The following UNC13D variants were observed in gnomAD, a reference collection of about 807,000 sequenced individuals.
UNC13D encodes unc-13 homolog D, also known as protein unc-13 homolog D.
Under a neutral mutation model 151.7 loss-of-function variants are expected in UNC13D, and 115 were observed. That is an observed-to-expected ratio of 0.76 (90% CI 0.65 to 0.88). UNC13D has a LOEUF of 0.88. Ranked by LOEUF, UNC13D falls within the 40% of genes least tolerant of loss-of-function variation. UNC13D has a pLI of 0.00. For synonymous variants in UNC13D, 588 were observed against 612.2 expected (o/e 0.96, Z 0.58); for missense variants, 1,369 against 1,438.7 (o/e 0.95, Z 0.78).
rs1390219620 is a variant in UNC13D, at chr17:75,840,522, C to T, written c.738G>A (p.Val246=). Residue 246 remains valine (V), a synonymous_variant, in exon 9 of 32, where the codon GTG becomes GTA. Transcript: ENST00000207549. The surrounding 1 kb of genome is among the most constrained non-coding windows in gnomAD (Gnocchi z 4.6). Reference sequence around the variant, plus strand: ...TCCTCCTCACCTGCAGCCTCAGAACCACGTTCCCCAGAAAGTCGTCCTGGC... The same window carrying T: ...TCCTCCTCACCTGCAGCCTCAGAACTACGTTCCCCAGAAAGTCGTCCTGGC... ...DKGQDDFLGN[V]VLRLQDLRCR... The T allele has an allele frequency of 6.2e-7, 1 of 1,614,058 alleles. No homozygotes were observed. The highest frequency in any genetic ancestry group is 8.5e-7 in the Non-Finnish European group (1 of 1,180,016).
intron 12 of UNC13D, among the ~76,000 whole-genome samples, chr17:75,837,926 G>A (rs771615985): frequency 7.2e-5 from 11 of 152,076 alleles, no homozygotes; most frequent in Non-Finnish European, 1.3e-4. Flanking sequence ...GGGACAGGCC[G>A]AAGTCCCTAT....
In UNC13D at chr17:75,827,692, C is replaced by T. The variant is rs1195872575; in HGVS notation, c.*273G>A. ...CACAGCAGCTTTTCTGAGAGGCGGGCAGGGGCAGGGTTTGCTCCCCCTGGT... is the reference window on the plus strand; with the variant it reads ...CACAGCAGCTTTTCTGAGAGGCGGGTAGGGGCAGGGTTTGCTCCCCCTGGT... On this transcript the variant is annotated 3_prime_UTR_variant, in exon 32 of 32. Transcript: ENST00000207549. 6.6e-7 allele frequency: 1 copy of T among 1,526,406 alleles called. No individual in the cohort carries two copies. Among genetic ancestry groups the T allele is most frequent in the African/African-American group, 1.4e-5 (1 of 72,830 alleles). 94.6% of individuals were successfully genotyped at this position (1,526,406 alleles called of 1,614,324 possible). A position where few individuals can be genotyped will look rare whatever the true frequency, so the allele number is the denominator to read the frequency against.
In UNC13D at chr17:75,828,941, G is replaced by T; in HGVS notation, c.2997C>A (p.Leu999=). 3 of 1,606,294 alleles carry T rather than the reference G, an allele frequency of 1.9e-6. No individual in the cohort carries two copies. The highest frequency in any genetic ancestry group is 8.5e-7 in the Non-Finnish European group (1 of 1,179,730). The change falls in exon 31 of 32, where the codon CTC becomes CTA. Residue 999 remains leucine, a synonymous_variant. Coordinates refer to ENST00000207549, the MANE Select transcript of UNC13D (RefSeq NM_199242.3). ...TGTCGTAGTCCAGCACGGTGAGCAG[G>T]AGGCATGCCCCAGCCTTGCGGCACG... ...AEPCRKAGAC[L]LLTVLDYDTL... is the part of the protein sequence containing the mutation.
At chr17:75,841,456 T>C (rs914670886) in intron 6 of UNC13D, among the ~76,000 whole-genome samples, 2 of 148,120 alleles carry the variant, frequency 1.4e-5, no homozygotes, top group African/African-American at 5.0e-5. Flanking sequence ...TTTTTTTTTT[T>C]TTTGAGACAG....
chr17:75,841,772 C>T (rs2064951171), intron 6 of UNC13D, among the ~76,000 whole-genome samples: 1 of 137,754 alleles, frequency 7.3e-6, no homozygotes, highest in South Asian at 2.3e-4. Flanking sequence ...TTTTTTGAGA[C>T]AGAGTGTCGC....
chr17:75,830,000 G>A, intron 30 of UNC13D, 28 bp downstream of exon 30: 1 of 1,568,138 alleles, frequency 6.4e-7, no homozygotes. Flanking sequence ...TGAGGGGAGG[G>A]ACTGGGAGAA....
At chr17:75,837,525 G>A (rs745839146) in intron 12 of UNC13D, among the ~76,000 whole-genome samples, 6 of 151,018 alleles carry the variant, frequency 4.0e-5, no homozygotes, top group Admixed American at 6.6e-5. Context: ...AGGCCGAGGC[G>A]GGTGGATCAC....
chr17:75,841,002 C>T lies in UNC13D; in HGVS notation c.570-1G>A. ...CGCATTGGTGATGTCCTCAAACTCC[C>T]TGTATGGAGAAAAGGGCGTGGTTGA... is the stretch of plus-strand genomic sequence containing the variant. On this transcript the variant is annotated splice_acceptor_variant, in intron 6 of 31. Transcript: ENST00000207549. LOFTEE classifies it high-confidence loss of function. The T allele has an allele frequency of 6.2e-7, 1 of 1,614,090 alleles. No homozygotes were observed. Among genetic ancestry groups the T allele is most frequent in the Non-Finnish European group, 8.5e-7 (1 of 1,180,014 alleles).
intron 25 of UNC13D, 167 bp from the exon 26 acceptor site, chr17:75,831,515 GGGTGGGTACAGGACCAGCAAGGGGCA>G: frequency 1.5e-6 from 1 of 652,140 alleles, no homozygotes. Flanking sequence ...GCTGGGGAGA[GGGTGGGTACAGGACCAGCAAGGGGCA>G]GGTGGGATCA....
chr17:75,834,410 T>C lies in UNC13D; in HGVS notation c.2213A>G (p.Gln738Arg). 5.1e-6 allele frequency: 8 copies of C among 1,582,314 alleles called. No homozygotes were observed. The highest frequency in any genetic ancestry group is 6.8e-6 in the Non-Finnish European group (8 of 1,171,150). Residue 738 changes from glutamine to arginine, a missense_variant, in exon 23 of 32, where the codon CAG becomes CGG. Gln to Arg is a conservative substitution (Grantham distance 43, BLOSUM62 1). Transcript: ENST00000207549. ...CTGCAGCTGGGCATGCAGCGTGTTC[T>C]GCAGCTGCCCCTGCTCCAGCACGGC... ...VGAVLEQGQL[Q>R]NTLHAQLQSA...
chr17:75,844,113 G>T (rs1188541096), intron 1 of UNC13D, 108 bp downstream of exon 1: 1 of 1,526,576 alleles, frequency 6.6e-7, no homozygotes. Flanking sequence ...GAGGGTCGCT[G>T]GTCCCCAGTC....
At chr17:75,842,708 G>T in intron 5 of UNC13D, 95 bp from the exon 6 acceptor site, 2 of 1,602,402 alleles carry the variant, frequency 1.2e-6, no homozygotes, top group Admixed American at 1.7e-5. Flanking sequence ...GCCTCCTCCG[G>T]GGGAGAGGGA....
rs369860531 is a variant in UNC13D at position 75,830,170 on chromosome 17, G to C, written c.2831-19C>G. The stretch of plus-strand genomic sequence containing the variant: ...CTGGAGCCTGGTAAGTGGCCGGGGA[G>C]TGTGCGTCAGCTGAGGGTCTCCCAG... On this transcript the variant is annotated intron_variant, in intron 29 of 31. Transcript: ENST00000207549. The C allele has an allele frequency of 6.3e-7, 1 of 1,583,780 alleles. No individual in the cohort carries two copies. The highest frequency in any genetic ancestry group is 8.6e-7 in the Non-Finnish European group (1 of 1,165,626).
In UNC13D at chr17:75,834,351, T is replaced by C. The variant is rs1274015537; in HGVS notation, c.2272A>G (p.Thr758Ala). Residue 758 changes from threonine to alanine, a missense_variant, in exon 23 of 32, where the codon ACT (threonine) becomes GCT (alanine). Physicochemically the swap from Thr to Ala is moderately conservative, Grantham distance 58 (BLOSUM62 0). Around this residue, in one of 3 missense-constraint regions of UNC13D, gnomAD observed 807 missense variants for 795.5 expected, o/e 1.01. Transcript: ENST00000207549. ...TGCTCGGCCAGGGTGCGGACGCCAGTGCGGATCTCATGGCCCAGCCCGGCC... is the reference window on the plus strand; with the variant it reads ...TGCTCGGCCAGGGTGCGGACGCCAGCGCGGATCTCATGGCCCAGCCCGGCC... ...ALAGLGHEIR[T>A]GVRTLAEQLE... 1.3e-6 allele frequency: 2 copies of C among 1,594,834 alleles called. No individual in the cohort carries two copies. Among genetic ancestry groups the C allele is most frequent in the East Asian group, 2.2e-5 (1 of 44,762 alleles).
intron 30 of UNC13D, 188 bp downstream of exon 30, chr17:75,829,840 A>G: frequency 1.2e-6 from 1 of 840,028 alleles, no homozygotes; most frequent in Non-Finnish European, 1.8e-6. Context: ...GGCCTCCCAA[A>G]GTGCTGTGAT....
At position 75,833,054 on chromosome 17, in the gene UNC13D, G is replaced by T; in HGVS notation, c.2368-9C>A. On this transcript the variant is annotated splice_polypyrimidine_tract_variant and intron_variant, in intron 24 of 31. Transcript: ENST00000207549. The surrounding 1 kb of genome is among the most constrained non-coding windows in gnomAD (Gnocchi z 4.0). ...ATCAGGGGCAGAATGGCCTGGGGAG[G>T]GAGATGGGGAGCAGGTGTGGCTCCG... The T allele has an allele frequency of 6.2e-7, 1 of 1,600,994 alleles. No homozygotes were observed. Among genetic ancestry groups the T allele is most frequent in the African/African-American group, 1.3e-5 (1 of 74,966 alleles).
Position 75,833,303 on chromosome 17 carries a change from T to C in UNC13D, c.2368-258A>G. 1 of 356,456 alleles carries C rather than the reference T, an allele frequency of 2.8e-6. No individual in the cohort carries two copies. The highest frequency in any genetic ancestry group is 3.6e-5 in the South Asian group (1 of 27,474). The allele number at this position is 356,456 out of a possible 1,614,324, so 22.1% of individuals were successfully genotyped here. A position where few individuals can be genotyped will look rare whatever the true frequency, so the allele number is the denominator to read the frequency against. Reference sequence around the variant, plus strand: ...TGCCTCAGGGTCTCTGCCCTTGCCGTTCCCTCTGCCTGGAATGCTCCTCCC... The same window carrying C: ...TGCCTCAGGGTCTCTGCCCTTGCCGCTCCCTCTGCCTGGAATGCTCCTCCC... On this transcript the variant is annotated intron_variant, in intron 24 of 31. Coordinates refer to ENST00000207549, the MANE Select transcript of UNC13D (RefSeq NM_199242.3). This position sits in a 1 kb window ranked among gnomAD's most constrained non-coding sequence, Gnocchi z 4.0.
Position 75,839,953 on chromosome 17 carries a change from C to G in UNC13D, c.952-11G>C. 1 of 1,613,720 alleles carries G rather than the reference C, an allele frequency of 6.2e-7. No individual in the cohort carries two copies. Among genetic ancestry groups the G allele is most frequent in the Non-Finnish European group, 8.5e-7 (1 of 1,179,994 alleles). ...GGAGGTGCTTCCCGCCTGAGGGGAGCAGGTGGAGGAGTGTCAGGACCTGAA... is the reference window on the plus strand; with the variant it reads ...GGAGGTGCTTCCCGCCTGAGGGGAGGAGGTGGAGGAGTGTCAGGACCTGAA... On this transcript the variant is annotated splice_polypyrimidine_tract_variant and intron_variant, in intron 11 of 31. Transcript: ENST00000207549.
At position 75,828,997 on chromosome 17, in the gene UNC13D, C is replaced by G. The variant is rs138462345; in HGVS notation, c.2955-14G>C. The G allele has an allele frequency of 3.9e-4, 625 of 1,599,382 alleles. 1 individual carries two copies. In the African/African-American group the frequency reaches 6.9e-3, roughly 18 times the overall value. ...GCAGGCACCAGGCTGCGGGGAGAGT[C>G]AGGGCTCTGCTGCCAGCCCCAGCAC... On this transcript the variant is annotated splice_polypyrimidine_tract_variant and intron_variant, in intron 30 of 31. Transcript: ENST00000207549.
Sources: gnomAD v4.1 joint callset for allele counts (sites outside exome capture counted in the v4.1 genomes callset) on GRCh38, gnomAD v4.1.1 for gene constraint, gnomAD v4.1.1 regional missense constraint, Gnocchi (gnomAD v3.1) non-coding constraint, MANE v1.5 for transcripts, NCBI Gene and HGNC (gene_info 2026-07-23, HGNC 2026-07-21) for gene names.